Variants in SLC39A12 observed in about 807,000 individuals in gnomAD.
SLC39A12 encodes zinc transporter ZIP12.
Under a neutral mutation model 71.1 loss-of-function variants are expected in SLC39A12, and 63 were observed. That is an observed-to-expected ratio of 0.89 (90% CI 0.72 to 1.09). SLC39A12 has a LOEUF of 1.09. SLC39A12 is among the 50% of genes least tolerant of loss of function. SLC39A12 has a pLI of 0.00. For synonymous variants in SLC39A12, 351 were observed against 301.3 expected (o/e 1.16, Z -1.71); for missense variants, 892 against 812.6 (o/e 1.10, Z -1.19).
intron 12 of SLC39A12, among the ~76,000 whole-genome samples, chr10:18,025,520 G>C (rs1836653133): frequency 6.6e-6 from 1 of 152,174 alleles, no homozygotes; most frequent in African/African-American, 2.4e-5. Context: ...TGCTGAGAAT[G>C]ATGGTTTCCA....
chr10:18,036,872 C>T lies in SLC39A12; in HGVS notation c.1948-5833C>T, dbSNP rs528464250. ...CACAGTCTCGACTCACTGCAACCTC[C>T]GCCTCCCAGGTTTAAACGATTCTCT... On this transcript the variant is annotated intron_variant, in intron 12 of 12. Transcript: ENST00000377369. Among the ~76,000 whole-genome samples, 8 of 147,872 alleles carry T rather than the reference C, an allele frequency of 5.4e-5. No homozygotes were observed. The South Asian group carries it at 6.5e-4, about 12-fold the overall frequency.
chr10:17,980,617 C>G lies in SLC39A12; in HGVS notation c.925-695C>G, dbSNP rs115265335. ...TTAGAGACTGTGGCATTTGTTCTTT[C>G]CTTATTCTTCTCTCTCATAAATATG... On this transcript the variant is annotated intron_variant, in intron 5 of 12. Transcript: ENST00000377369. Among the ~76,000 whole-genome samples the G allele has an allele frequency of 6.8e-3, 1,039 of 152,166 alleles. 13 individuals are homozygous for G. The highest frequency in any genetic ancestry group is 0.024 in the African/African-American group (992 of 41,492).
intron 12 of SLC39A12, among the ~76,000 whole-genome samples, chr10:18,016,827 C>A (rs1836398439): frequency 6.6e-6 from 1 of 152,150 alleles, no homozygotes; most frequent in Non-Finnish European, 1.5e-5. Flanking sequence ...TGACTACTTG[C>A]CATCATACAT....
At chr10:18,040,460 C>G (rs1385333665) in intron 12 of SLC39A12, among the ~76,000 whole-genome samples, 1 of 152,068 alleles carries the variant, frequency 6.6e-6, no homozygotes, top group African/African-American at 2.4e-5. Flanking sequence ...GGGTGCTCCT[C>G]TCCATGTACT....
At chr10:17,962,291 C>T (rs1554848502) in intron 3 of SLC39A12, among the ~76,000 whole-genome samples, 17 of 152,186 alleles carry the variant, frequency 1.1e-4, no homozygotes, top group Non-Finnish European at 2.5e-4. Flanking sequence ...TTAGTTATTT[C>T]ACTGAAGAAG....
Position 17,991,643 on chromosome 10 carries a change from A to G in SLC39A12, c.1422+340A>G, listed in dbSNP as rs140960246. Among the ~76,000 whole-genome samples the G allele has an allele frequency of 1.9e-3, 283 of 151,256 alleles. 2 individuals carry two copies. The highest frequency in any genetic ancestry group is 6.6e-3 in the African/African-American group (275 of 41,534). On this transcript the variant is annotated intron_variant, in intron 8 of 12. Transcript: ENST00000377369. ...CTTAACCTAAACAAATAAGCAAACAAAAACTTTGAAAACTCACAAAATCAC... is the reference window on the plus strand; with the variant it reads ...CTTAACCTAAACAAATAAGCAAACAGAAACTTTGAAAACTCACAAAATCAC...
intron 4 of SLC39A12, among the ~76,000 whole-genome samples, chr10:17,975,827 G>C (rs1239314030): frequency 6.6e-6 from 1 of 152,286 alleles, no homozygotes; most frequent in African/African-American, 2.4e-5. Flanking sequence ...CAAGGCTTGT[G>C]GGGGAAGTCA....
At chr10:18,029,955 G>A (rs1442809044) in intron 12 of SLC39A12, among the ~76,000 whole-genome samples, 1 of 151,560 alleles carries the variant, frequency 6.6e-6, no homozygotes, top group East Asian at 1.9e-4. Flanking sequence ...TAGGGTTTGA[G>A]TTTTGGCATT....
chr10:17,953,151 G>A, intron 1 of SLC39A12, 40 bp from the exon 2 acceptor site: 1 of 1,198,350 alleles, frequency 8.3e-7, no homozygotes, highest in Non-Finnish European at 1.2e-6. Context: ...CATGTTGCAG[G>A]CACAATAATT....
At chr10:18,030,944 A>T (rs1480780577) in intron 12 of SLC39A12, among the ~76,000 whole-genome samples, 1 of 151,550 alleles carries the variant, frequency 6.6e-6, no homozygotes, top group East Asian at 1.9e-4. Flanking sequence ...GATGATTTCC[A>T]ATTTCATCCA....
intron 2 of SLC39A12, among the ~76,000 whole-genome samples, chr10:17,958,928 A>G (rs1834617596): frequency 2.0e-5 from 3 of 152,148 alleles, no homozygotes; most frequent in African/African-American, 7.2e-5. Flanking sequence ...TAGGGTTCTT[A>G]TTAAAAAATT....
chr10:18,041,499 A>G (rs1837223323), intron 12 of SLC39A12, among the ~76,000 whole-genome samples: 1 of 141,668 alleles, frequency 7.1e-6, no homozygotes, highest in African/African-American at 2.7e-5. Context: ...CTGTCTCAAA[A>G]AAAAAAAACT....
At chr10:17,963,968 A>G (rs1489323784) in intron 3 of SLC39A12, among the ~76,000 whole-genome samples, 2 of 152,006 alleles carry the variant, frequency 1.3e-5, no homozygotes, top group African/African-American at 4.8e-5. Flanking sequence ...TATCTTCCTG[A>G]CTCAATCTCT....
chr10:18,027,156 G>A (rs1836701574), intron 12 of SLC39A12, among the ~76,000 whole-genome samples: 1 of 152,218 alleles, frequency 6.6e-6, no homozygotes, highest in African/African-American at 2.4e-5. Flanking sequence ...GGAATACATA[G>A]GGGAAAGGGA....
chr10:17,958,577 A>G (rs1834608090), intron 2 of SLC39A12, among the ~76,000 whole-genome samples: 1 of 152,194 alleles, frequency 6.6e-6, no homozygotes, highest in South Asian at 2.1e-4. Context: ...AAAGGAAGGA[A>G]TAAAAGAATG....
At chr10:17,960,194 G>T (rs527329802) in intron 2 of SLC39A12, among the ~76,000 whole-genome samples, 1 of 152,114 alleles carries the variant, frequency 6.6e-6, no homozygotes. Context: ...TACCAATGGA[G>T]GATTATTTTA....
intron 4 of SLC39A12, among the ~76,000 whole-genome samples, chr10:17,971,794 A>C (rs1178247062): frequency 6.6e-6 from 1 of 151,726 alleles, no homozygotes; most frequent in Admixed American, 6.6e-5. Context: ...TTTTTGTTTC[A>C]TTGATCTTTT....
At chr10:18,016,356 C>G (rs1289568821) in intron 12 of SLC39A12, among the ~76,000 whole-genome samples, 2 of 152,110 alleles carry the variant, frequency 1.3e-5, no homozygotes, top group East Asian at 3.9e-4. Flanking sequence ...TTTCCTCTGT[C>G]TTTTTACAGT....
chr10:18,026,764 C>G (rs1380202229), intron 12 of SLC39A12, among the ~76,000 whole-genome samples: 1 of 152,052 alleles, frequency 6.6e-6, no homozygotes, highest in Admixed American at 6.5e-5. Flanking sequence ...GTAAAATCCT[C>G]AAGCTCAAAG....
Sources: gnomAD v4.1 joint callset for allele counts (sites outside exome capture counted in the v4.1 genomes callset) on GRCh38, gnomAD v4.1.1 for gene constraint, MANE v1.5 for transcripts, NCBI Gene and HGNC (gene_info 2026-07-23, HGNC 2026-07-21) for gene names.